PCDHGC5: variants seen among roughly 807,000 people sequenced by gnomAD.
PCDHGC5 encodes protocadherin gamma-C5.
In PCDHGC5, 25 loss-of-function variants were observed where a neutral mutation model predicts 59.0. That is an observed-to-expected ratio of 0.42 (90% CI 0.31 to 0.59). The LOEUF (loss-of-function observed/expected upper bound fraction) is 0.59, where lower values mean the gene tolerates loss of function less well. Ranked by LOEUF, PCDHGC5 falls within the 20% of genes least tolerant of loss-of-function variation. PCDHGC5 has a pLI of 0.13. For synonymous variants in PCDHGC5, 434 were observed against 505.5 expected (o/e 0.86, Z 1.90); for missense variants, 1,067 against 1,206.4 (o/e 0.88, Z 1.71).
chr5:141,509,148 C>T (rs1345910772), intron 3 of PCDHGC5, among the ~76,000 whole-genome samples: 1 of 152,198 alleles, frequency 6.6e-6, no homozygotes, highest in Non-Finnish European at 1.5e-5. Context: ...CATCCCGGCT[C>T]TCCCCTCCCG....
chr5:141,500,501 G>T (rs571735791), intron 2 of PCDHGC5, among the ~76,000 whole-genome samples: 6 of 152,176 alleles, frequency 3.9e-5, no homozygotes, highest in Non-Finnish European at 8.8e-5. Context: ...GAGCCACCGC[G>T]CCTGGCCGAG....
rs1562137380 is a variant in PCDHGC5, at chr5:141,490,297, G to T, written c.1057G>T (p.Ala353Ser). The change falls in exon 1 of 4, where the codon GCC (alanine) becomes TCC (serine). Residue 353 changes from alanine to serine, a missense_variant. Coordinates refer to ENST00000252087, the MANE Select transcript of PCDHGC5 (RefSeq NM_018929.3). This position sits in a 1 kb window ranked among gnomAD's most constrained non-coding sequence, Gnocchi z 5.4. The stretch of plus-strand genomic sequence containing the variant: ...TGACAATGCCCCAGAGGTGCTATTG[G>T]CCTCTTTGGCCAACCCTGTCCTAGA... ...VNDNAPEVLL[A>S]SLANPVLEST... 2 of 1,614,202 alleles carry T rather than the reference G, an allele frequency of 1.2e-6. No individual in the cohort carries two copies. Among genetic ancestry groups the T allele is most frequent in the South Asian group, 1.1e-5 (1 of 91,086 alleles).
rs781026604 is a variant in PCDHGC5, at chr5:141,490,471, C to G, written c.1231C>G (p.Pro411Ala). ...ENHYSLLTSQ[P>A]LDREATSHYI... ...CCACTACTCGCTGCTAACCAGCCAG[C>G]CTTTGGACCGGGAGGCCACATCCCA... Residue 411 changes from proline (P) to alanine (A), a missense_variant, in exon 1 of 4, where the codon CCT (proline) becomes GCT (alanine). Coordinates refer to ENST00000252087, the MANE Select transcript of PCDHGC5 (RefSeq NM_018929.3). The surrounding 1 kb of genome is among the most constrained non-coding windows in gnomAD (Gnocchi z 5.4). 12 of 1,614,096 alleles carry G rather than the reference C, an allele frequency of 7.4e-6. No homozygotes were observed. The highest frequency in any genetic ancestry group is 1.1e-5 in the South Asian group (1 of 91,092).
intron 2 of PCDHGC5, among the ~76,000 whole-genome samples, chr5:141,502,866 C>CTCTTTTTT (rs1554188502): frequency 2.3e-5 from 3 of 128,046 alleles, no homozygotes; most frequent in Non-Finnish European, 3.2e-5. Flanking sequence ...GACTCTCTGT[C>CTCTTTTTT]TTTTTTTTTT....
chr5:141,494,843 G>T lies in PCDHGC5; in HGVS notation c.2497G>T (p.Ala833Ser). The T allele has an allele frequency of 6.2e-7, 1 of 1,614,088 alleles. No individual in the cohort carries two copies. The highest frequency in any genetic ancestry group is 8.5e-7 in the Non-Finnish European group (1 of 1,180,006). ...PPNTDWRFSQ[A>S]QRPGTSGSQN... Reference sequence around the variant, plus strand: ...CAACACGGACTGGCGTTTCTCTCAGGCCCAGAGACCCGGCACCAGCGGGTA... The same window carrying T: ...CAACACGGACTGGCGTTTCTCTCAGTCCCAGAGACCCGGCACCAGCGGGTA... Residue 833 changes from alanine (A) to serine (S), a missense_variant, in exon 2 of 4, where the codon GCC becomes TCC. Transcript: ENST00000252087.
rs2099883798 is a variant in PCDHGC5, at chr5:141,511,451, AT to A, written c.*281del. On this transcript the variant is annotated 3_prime_UTR_variant, in exon 4 of 4. Transcript: ENST00000252087. ...GGGGTTACTGTAGACACCAAGAACC[AT>A]TTGCCACACCCCGTTTAGTTACAGC... The A allele has an allele frequency of 3.3e-6, 2 of 606,372 alleles. No individual in the cohort carries two copies. Among genetic ancestry groups the A allele is most frequent in the African/African-American group, 1.9e-5 (1 of 53,734 alleles). 37.6% of individuals were successfully genotyped at this position (606,372 alleles called of 1,614,324 possible).
At chr5:141,494,364 G>A (rs1461560857) in intron 1 of PCDHGC5, among the ~76,000 whole-genome samples, 1 of 152,202 alleles carries the variant, frequency 6.6e-6, no homozygotes, top group African/African-American at 2.4e-5. Context: ...TGCAGAGGAT[G>A]CTTTGTTCCC....
intron 3 of PCDHGC5, among the ~76,000 whole-genome samples, chr5:141,509,353 C>A (rs2099876446): frequency 6.6e-6 from 1 of 152,170 alleles, no homozygotes; most frequent in Non-Finnish European, 1.5e-5. Context: ...CTGGCCTGGG[C>A]ATCCCTGAGG....
intron 1 of PCDHGC5, among the ~76,000 whole-genome samples, chr5:141,492,762 T>C (rs917580804): frequency 2.6e-5 from 4 of 152,206 alleles, no homozygotes; most frequent in African/African-American, 9.6e-5. Flanking sequence ...GGGCTCCGCG[T>C]TGGGCGAGTG....
chr5:141,491,714 C>T lies in PCDHGC5; in HGVS notation c.2460+14C>T, dbSNP rs1321811999. 2 of 1,608,744 alleles carry T rather than the reference C, an allele frequency of 1.2e-6. No individual in the cohort carries two copies. Among genetic ancestry groups the T allele is most frequent in the Non-Finnish European group, 1.7e-6 (2 of 1,177,916 alleles). The stretch of plus-strand genomic sequence containing the variant: ...GAGCGGAGCCAGGTGAGGGGCTCGG[C>T]GCCGCCCCGGGCGACCCCTGGGGGC... On this transcript the variant is annotated intron_variant, in intron 1 of 3. Coordinates refer to ENST00000252087, the MANE Select transcript of PCDHGC5 (RefSeq NM_018929.3). The surrounding 1 kb of genome is among the most constrained non-coding windows in gnomAD (Gnocchi z 6.9).
chr5:141,511,002 C>T lies in PCDHGC5; in HGVS notation c.2664C>T (p.Ser888=), dbSNP rs143630962. 77 of 1,614,140 alleles carry T rather than the reference C, an allele frequency of 4.8e-5. No individual in the cohort carries two copies. Among genetic ancestry groups the T allele is most frequent in the South Asian group, 2.1e-4 (19 of 91,080 alleles). ...GGGGTGCCGGCACCATGGGATTGAG[C>T]GCCCGCTACGGACCCCAGTTCACCC... The part of the protein sequence containing the change: ...LGGGAGTMGL[S]ARYGPQFTLQ... Residue 888 remains serine (S), a synonymous_variant, in exon 4 of 4, where the codon AGC becomes AGT. Coordinates refer to ENST00000252087, the MANE Select transcript of PCDHGC5 (RefSeq NM_018929.3).
In PCDHGC5 at chr5:141,489,504, A is replaced by G. The variant is rs148241772; in HGVS notation, c.264A>G (p.Gln88=). 193 of 1,614,016 alleles carry G rather than the reference A, an allele frequency of 1.2e-4. No individual in the cohort carries two copies. Among genetic ancestry groups the G allele is most frequent in the Non-Finnish European group, 1.6e-4 (184 of 1,180,046 alleles). Residue 88 remains glutamine, a synonymous_variant, in exon 1 of 4, where the codon CAA becomes CAG. Transcript: ENST00000252087. The surrounding 1 kb of genome is among the most constrained non-coding windows in gnomAD (Gnocchi z 4.5). ...TGAGTGGTGCCCTGGCAGTGAATCA[A>G]AAGATTGACCGAGAAAGCCTATGTG... ...SLMSGALAVN[Q]KIDRESLCGA...
rs2099746956 is a variant in PCDHGC5 at position 141,493,207 on chromosome 5, A to C, written c.2460+1507A>C. Among the ~76,000 whole-genome samples, 1 of 152,152 alleles carries C rather than the reference A, an allele frequency of 6.6e-6. No individual in the cohort carries two copies. The highest frequency in any genetic ancestry group is 2.4e-5 in the African/African-American group (1 of 41,442). On this transcript the variant is annotated intron_variant, in intron 1 of 3. Coordinates refer to ENST00000252087, the MANE Select transcript of PCDHGC5 (RefSeq NM_018929.3). The surrounding 1 kb of genome is among the most constrained non-coding windows in gnomAD (Gnocchi z 4.3). ...ATAACTCCTTTGAGAACCTCATCTC[A>C]TTTGCTCTTCCCACCATTGCTGTTG...
chr5:141,489,893 G>A lies in PCDHGC5; in HGVS notation c.653G>A (p.Gly218Glu). ...CTGGTGCTTACTGCTGTGGATGGGG[G>A]GACCCCAGCCCGCTCAGGGACCACC... ...HQLVLTAVDG[G>E]TPARSGTTLI... is the part of the protein sequence containing the mutation. The change falls in exon 1 of 4, where the codon GGG becomes GAG. Residue 218 changes from glycine (G) to glutamate (E), a missense_variant. Gly to Glu is a moderately conservative substitution (Grantham distance 98). Transcript: ENST00000252087. This position sits in a 1 kb window ranked among gnomAD's most constrained non-coding sequence, Gnocchi z 4.5. 6.2e-7 allele frequency: 1 copy of A among 1,614,190 alleles called. No individual in the cohort carries two copies. Among genetic ancestry groups the A allele is most frequent in the South Asian group, 1.1e-5 (1 of 91,084 alleles).
chr5:141,506,994 G>A (rs1053891468), intron 3 of PCDHGC5: 1 of 152,126 alleles, frequency 6.6e-6, no homozygotes, highest in Non-Finnish European at 1.5e-5. Context: ...TCTCACACTC[G>A]ACAGATGAGA....
chr5:141,499,423 G>GA (rs1229901490), intron 2 of PCDHGC5, among the ~76,000 whole-genome samples: 1 of 151,754 alleles, frequency 6.6e-6, no homozygotes, highest in Non-Finnish European at 1.5e-5. Flanking sequence ...ATGAAAAATA[G>GA]AAAAAAAATT....
intron 2 of PCDHGC5, among the ~76,000 whole-genome samples, chr5:141,504,960 T>C (rs9324851): frequency 0.59 from 89,328 of 151,916 alleles, 27,885 homozygotes; most frequent in African/African-American, 0.8. Context: ...TTCAATGCAT[T>C]GGACCAGCCT....
Position 141,489,662 on chromosome 5 carries a change from G to T in PCDHGC5, c.422G>T (p.Arg141Leu), listed in dbSNP as rs2233601. The change falls in exon 1 of 4, where the codon CGC (arginine) becomes CTC (leucine). Residue 141 changes from arginine to leucine, a missense_variant. By Grantham distance (102) the Arg-to-Leu change is moderately radical. Transcript: ENST00000252087. The surrounding 1 kb of genome is among the most constrained non-coding windows in gnomAD (Gnocchi z 4.5). Reference sequence around the variant, plus strand: ...TTTGCCACCCCTGAGCGAGAGATGCGCATCTCAGAATCAGCAGCATCTGGG... The same window carrying T: ...TTTGCCACCCCTGAGCGAGAGATGCTCATCTCAGAATCAGCAGCATCTGGG... Reference protein sequence around the residue: ...PSFATPEREMRISESAASGAR... With the variant: ...PSFATPEREMLISESAASGAR... 2.5e-6 allele frequency: 4 copies of T among 1,614,024 alleles called. No homozygotes were observed. The African/African-American group carries it at 4.0e-5, about 16-fold the overall frequency.
chr5:141,497,573 T>C (rs1231425210), intron 2 of PCDHGC5, among the ~76,000 whole-genome samples: 1 of 149,502 alleles, frequency 6.7e-6, no homozygotes, highest in South Asian at 2.1e-4. Context: ...AGAGTCTTGC[T>C]CTGTTGCCCA....
Sources: gnomAD v4.1 joint callset for allele counts (sites outside exome capture counted in the v4.1 genomes callset) on GRCh38, gnomAD v4.1.1 for gene constraint, Gnocchi (gnomAD v3.1) non-coding constraint, MANE v1.5 for transcripts, NCBI Gene and HGNC (gene_info 2026-07-23, HGNC 2026-07-21) for gene names.